Variants in CHRNB3 observed in about 807,000 individuals in gnomAD.
CHRNB3 encodes the protein neuronal acetylcholine receptor subunit beta-3.
Under a neutral mutation model 40.6 loss-of-function variants are expected in CHRNB3, and 37 were observed. That is an observed-to-expected ratio of 0.91 (90% confidence interval 0.70 to 1.20). CHRNB3 has a LOEUF of 1.20. Among genes scored for constraint, CHRNB3 ranks in the 50% most tolerant of loss-of-function variants. The pLI, the probability that CHRNB3 is intolerant of heterozygous loss-of-function variation, is 0.00. For synonymous variants in CHRNB3, 207 were observed against 207.1 expected, an observed-to-expected ratio of 1.00 and a Z score of 0.00; for missense variants, 505 against 551.2, an observed-to-expected ratio of 0.92 and a Z score of 0.84.
chr8:42,713,963 C>T (rs926806467), intron 3 of CHRNB3, among the ~76,000 whole-genome samples: 8 of 152,126 alleles, frequency 5.3e-5, no homozygotes, highest in East Asian at 1.9e-4. Flanking sequence ...GCAGGAGAAA[C>T]GAAGCTTCAC....
chr8:42,725,715 C>T lies in CHRNB3; in HGVS notation c.250-4879C>T. On this transcript the variant is annotated intron_variant, in intron 3 of 5. Transcript: ENST00000289957. ...AATGCTTCTCCAGGTGCTCCTCAAT[C>T]ACTGTGTTGTCTGTCAGAGGGATGG... is the stretch of plus-strand genomic sequence containing the variant. The T allele has an allele frequency of 3.2e-6, 3 of 930,846 alleles. No individual in the cohort carries two copies. In the South Asian group the frequency reaches 3.9e-5, roughly 12 times the overall value. The allele number at this position is 930,846 out of a possible 1,614,324, so 57.7% of individuals were successfully genotyped here.
chr8:42,723,706 C>G (rs1006864159), intron 3 of CHRNB3, among the ~76,000 whole-genome samples: 2 of 152,206 alleles, frequency 1.3e-5, no homozygotes, highest in African/African-American at 4.8e-5. Context: ...TCCCGTTTCC[C>G]TCACTGACTA....
intron 1 of CHRNB3, 129 bp from the exon 2 acceptor site, chr8:42,708,588 A>G: frequency 1.0e-6 from 1 of 994,044 alleles, no homozygotes; most frequent in Non-Finnish European, 1.5e-6. Context: ...GTTGCCTTTC[A>G]GGAACTGGGC....
Position 42,735,245 on chromosome 8 carries a change from A to G in CHRNB3, c.1243-1239A>G, listed in dbSNP as rs184376981. 3.0e-4 allele frequency among the ~76,000 whole-genome samples: 45 copies of G among 148,102 alleles called. 1 individual carries two copies. Among genetic ancestry groups the G allele is most frequent in the African/African-American group, 1.1e-3 (43 of 39,668 alleles). ...AAAAAACAAACAAACAAACAAAAAA[A>G]CACTAATACAGGCCGGGTGTGGTGG... On this transcript the variant is annotated intron_variant, in intron 5 of 5. Transcript: ENST00000289957.
intron 3 of CHRNB3, among the ~76,000 whole-genome samples, chr8:42,714,321 C>T (rs1340880912): frequency 6.6e-6 from 1 of 151,546 alleles, no homozygotes; most frequent in African/African-American, 2.4e-5. Flanking sequence ...CGGTGAAACC[C>T]CATCTCTACT....
At chr8:42,697,643 T>A in intron 1 of CHRNB3, 45 bp downstream of exon 1, 1 of 1,484,548 alleles carries the variant, frequency 6.7e-7, no homozygotes, top group Non-Finnish European at 9.4e-7. Context: ...TGCAGAATTA[T>A]TTAAGCAGAG....
At chr8:42,728,537 AAAAC>A (rs919308610) in intron 3 of CHRNB3, among the ~76,000 whole-genome samples, 2 of 152,140 alleles carry the variant, frequency 1.3e-5, no homozygotes, top group African/African-American at 2.4e-5. Context: ...TCAAATTAAA[AAAAC>A]AAAACAAAAC....
chr8:42,734,805 A>C (rs1364347386), intron 5 of CHRNB3, among the ~76,000 whole-genome samples: 1 of 152,116 alleles, frequency 6.6e-6, no homozygotes, highest in African/African-American at 2.4e-5. Flanking sequence ...ACAATCTGTC[A>C]TGTTTTTCAT....
Position 42,732,267 on chromosome 8 carries a change from TCAC to T in CHRNB3, c.964_966del (p.His322del), listed in dbSNP as rs1358638784. 1.2e-6 allele frequency: 2 copies of T among 1,609,986 alleles called. No homozygotes were observed. The highest frequency in any genetic ancestry group is 2.2e-5 in the South Asian group (2 of 90,084). ...TTGTTACCGTGTTTGTCATTAACGT[TCAC>T]CACAGATCTTCTTCCACGTACCACC... On this transcript the variant is annotated inframe_deletion, in exon 5 of 6. Transcript: ENST00000289957.
intron 1 of CHRNB3, chr8:42,704,507 G>A (rs1473797350): frequency 6.6e-6 from 1 of 152,152 alleles, no homozygotes; most frequent in African/African-American, 2.4e-5. Flanking sequence ...AAGCATGTCA[G>A]GTCAGAATTC....
chr8:42,734,930 C>G (rs1319887921), intron 5 of CHRNB3, among the ~76,000 whole-genome samples: 4 of 151,962 alleles, frequency 2.6e-5, no homozygotes, highest in African/African-American at 4.8e-5. Context: ...TTTAAAAACA[C>G]TAATACAGGG....
At chr8:42,727,098 C>T (rs536432534) in intron 3 of CHRNB3, among the ~76,000 whole-genome samples, 18 of 152,270 alleles carry the variant, frequency 1.2e-4, no homozygotes, top group African/African-American at 4.1e-4. Context: ...CAGGGCCGGG[C>T]GCCGTGGCTC....
intron 4 of CHRNB3, among the ~76,000 whole-genome samples, chr8:42,730,964 C>T (rs1308041912): frequency 6.8e-6 from 1 of 147,696 alleles, no homozygotes; most frequent in African/African-American, 2.5e-5. Flanking sequence ...AGGAGAATGG[C>T]GTGAACCCGG....
chr8:42,718,045 G>T (rs1816149799), intron 3 of CHRNB3, among the ~76,000 whole-genome samples: 1 of 150,348 alleles, frequency 6.7e-6, no homozygotes, highest in African/African-American at 2.5e-5. Context: ...TGGCTAGGCT[G>T]GTCTGGAACT....
intron 1 of CHRNB3, among the ~76,000 whole-genome samples, chr8:42,699,883 T>G (rs1341121454): frequency 2.8e-4 from 3 of 10,656 alleles, no homozygotes; most frequent in Non-Finnish European, 3.8e-4. Flanking sequence ...TGTGGTATGC[T>G]TTTTTTTTTT....
At chr8:42,735,037 G>A (rs1037997200) in intron 5 of CHRNB3, among the ~76,000 whole-genome samples, 1 of 150,310 alleles carries the variant, frequency 6.7e-6, no homozygotes, top group African/African-American at 2.5e-5. Flanking sequence ...TGGCTAACAG[G>A]GTGAAACCCT....
At chr8:42,729,672 G>A (rs1288595966) in intron 3 of CHRNB3, among the ~76,000 whole-genome samples, 5 of 152,168 alleles carry the variant, frequency 3.3e-5, no homozygotes, top group South Asian at 2.1e-4. Context: ...ACTGGGCTCC[G>A]GGAAGCGTCA....
chr8:42,723,757 T>G (rs1282622236), intron 3 of CHRNB3, among the ~76,000 whole-genome samples: 2 of 152,188 alleles, frequency 1.3e-5, no homozygotes, highest in Non-Finnish European at 1.5e-5. Context: ...CTCTAAGCGC[T>G]GGTTGCCTCA....
intron 1 of CHRNB3, among the ~76,000 whole-genome samples, chr8:42,708,474 T>TACAC (rs4955): frequency 0.087 from 12,941 of 148,830 alleles, 620 homozygotes; most frequent in African/African-American, 0.11. Context: ...TCAAAAAAAA[T>TACAC]ACACACACAC....
Sources: gnomAD v4.1 joint callset for allele counts (sites outside exome capture counted in the v4.1 genomes callset) on GRCh38, gnomAD v4.1.1 for gene constraint, MANE v1.5 for transcripts, NCBI Gene and HGNC (gene_info 2026-07-23, HGNC 2026-07-21) for gene names.